ANKRD26: variants seen among roughly 807,000 people sequenced by gnomAD.
ANKRD26 encodes the protein ankyrin repeat domain-containing protein 26.
Under a neutral mutation model 208.7 loss-of-function variants are expected in ANKRD26, and 141 were observed. The observed-to-expected ratio is 0.68, with a 90% CI of 0.59 to 0.78. The LOEUF (loss-of-function observed/expected upper bound fraction) is 0.78. Ranked by LOEUF, ANKRD26 falls within the 30% of genes least tolerant of loss-of-function variation. ANKRD26 has a pLI of 0.00. For missense variants in ANKRD26, 1,889 were observed against 1,938.7 expected, an observed-to-expected ratio of 0.97 and a Z score of 0.48; for synonymous variants, 636 against 660.4, an observed-to-expected ratio of 0.96 and a Z score of 0.57.
chr10:26,995,019 T>C, intron 5 of ANKRD26: 1 of 470,330 alleles, frequency 2.1e-6, no homozygotes, highest in Non-Finnish European at 4.4e-6. Context: ...GCTCCCCTCT[T>C]AAATCAGACC....
rs746065038 is a variant in ANKRD26 at position 27,035,200 on chromosome 10, T to C, written c.3250A>G (p.Arg1084Gly). The change falls in exon 24 of 34, where the codon AGA (arginine) becomes GGA (glycine). Residue 1084 changes from arginine to glycine, a missense_variant. Arg to Gly is a moderately radical substitution (Grantham distance 125). Around this residue, in one of 3 missense-constraint regions of ANKRD26, gnomAD observed 1,272 missense variants for 1,273.8 expected, o/e 1.00. Transcript: ENST00000376087. ...NSLEIEFHHTRDALREKTLGL... is the reference protein window; with the variant it reads ...NSLEIEFHHTGDALREKTLGL... ...AAAGTCTTTTCTCTGAGGGCATCTC[T>C]CGTGTGATGGAACTCAATTTCTAGG... 1 of 1,614,102 alleles carries C rather than the reference T, an allele frequency of 6.2e-7. No individual in the cohort carries two copies. The highest frequency in any genetic ancestry group is 1.1e-5 in the South Asian group (1 of 91,082).
chr10:26,969,396 T>C (rs889684231), downstream of ANKRD26, among the ~76,000 whole-genome samples: 3 of 152,162 alleles, frequency 2.0e-5, no homozygotes, highest in Non-Finnish European at 4.4e-5. Context: ...TACTCAGTGA[T>C]CATAATTGAA....
In ANKRD26 at chr10:27,043,545, A is replaced by G. The variant is rs949920628; in HGVS notation, c.2042T>C (p.Met681Thr). The change falls in exon 20 of 34, where the codon ATG becomes ACG. Residue 681 changes from methionine (M) to threonine (T), a missense_variant. Coordinates refer to ENST00000376087, the MANE Select transcript of ANKRD26 (RefSeq NM_014915.3). Reference protein sequence around the residue: ...KNKVKNQIQSMDDVDDLTQSS... With the variant: ...KNKVKNQIQSTDDVDDLTQSS... ...CTGAGTTAAGTCATCAACATCATCCATAGACTGTATTTGGTTTTTGACCTA... is the reference window on the plus strand; with the variant it reads ...CTGAGTTAAGTCATCAACATCATCCGTAGACTGTATTTGGTTTTTGACCTA... 1.9e-6 allele frequency: 3 copies of G among 1,613,904 alleles called. No individual in the cohort carries two copies. The highest frequency in any genetic ancestry group is 2.2e-5 in the East Asian group (1 of 44,848).
chr10:27,064,755 T>A (rs910778564), intron 11 of ANKRD26, among the ~76,000 whole-genome samples: 2 of 152,120 alleles, frequency 1.3e-5, no homozygotes, highest in Non-Finnish European at 2.9e-5. Context: ...AAAATTTTGC[T>A]TTATGTTATG....
chr10:27,000,185 G>A (rs563418915), downstream of ANKRD26, among the ~76,000 whole-genome samples: 5 of 152,286 alleles, frequency 3.3e-5, no homozygotes, highest in South Asian at 1.0e-3. Flanking sequence ...GATAGACCAT[G>A]CCTGAACTCC....
At chr10:26,970,162 T>C (rs974684569), downstream of ANKRD26, among the ~76,000 whole-genome samples, 3 of 152,080 alleles carry the variant, frequency 2.0e-5, no homozygotes, top group East Asian at 3.8e-4. Flanking sequence ...TACTAGATAA[T>C]TGTAAAGTAC....
intron 29 of ANKRD26, among the ~76,000 whole-genome samples, chr10:27,018,548 G>A (rs1235304549): frequency 1.3e-5 from 2 of 152,028 alleles, no homozygotes; most frequent in Non-Finnish European, 2.9e-5. Flanking sequence ...TCTAATTAAT[G>A]AATCTTGTAA....
rs749595365 is a variant in ANKRD26 at position 27,067,158 on chromosome 10, A to C, written c.1206T>G (p.Ser402Arg). The C allele has an allele frequency of 1.9e-6, 3 of 1,612,826 alleles. No homozygotes were observed. The African/African-American group carries it at 4.0e-5, about 22-fold the overall frequency. Residue 402 changes from serine to arginine, a missense_variant and splice_region_variant, in exon 10 of 34, where the codon AGT (serine) becomes AGG (arginine). Physicochemically the swap from Ser to Arg is moderately radical, Grantham distance 110. Around this residue, in one of 3 missense-constraint regions of ANKRD26, gnomAD observed 1,272 missense variants for 1,273.8 expected, o/e 1.00. Coordinates refer to ENST00000376087, the MANE Select transcript of ANKRD26 (RefSeq NM_014915.3). The part of the protein sequence containing the change: ...YVDEVHKNNR[S>R]DMMSALGLGQ... ...ATTCAGAGATATCCACTAACTTACCACTTCTATTATTTTTGTGCACTTCAT... is the reference window on the plus strand; with the variant it reads ...ATTCAGAGATATCCACTAACTTACCCCTTCTATTATTTTTGTGCACTTCAT...
At chr10:27,061,053 T>C in intron 13 of ANKRD26, 91 bp downstream of exon 13, 1 of 991,088 alleles carries the variant, frequency 1.0e-6, no homozygotes, top group East Asian at 2.4e-5. Context: ...ATATAACTTA[T>C]TTCTCATCAG....
downstream of ANKRD26, among the ~76,000 whole-genome samples, chr10:26,999,437 G>A (rs1564341766): frequency 6.6e-6 from 1 of 152,144 alleles, no homozygotes. Flanking sequence ...GACCCAAAGT[G>A]TGCTGCTTGT....
At chr10:26,997,390 T>C (rs1465158255) in intron 4 of ANKRD26, among the ~76,000 whole-genome samples, 1 of 152,190 alleles carries the variant, frequency 6.6e-6, no homozygotes, top group East Asian at 1.9e-4. Context: ...ATTTGTTTTG[T>C]CAAGGTAGAA....
At position 27,067,741 on chromosome 10, in the gene ANKRD26, A is replaced by C. The variant is rs576879413; in HGVS notation, c.1078-455T>G. On this transcript the variant is annotated intron_variant, in intron 9 of 33. Transcript: ENST00000376087. The stretch of plus-strand genomic sequence containing the variant: ...GAAATCTGCCCCTGTGATCCAATCA[A>C]CTCCCACCAGGTCCCACCTCCAACA... 2.0e-5 allele frequency among the ~76,000 whole-genome samples: 3 copies of C among 151,922 alleles called. No individual in the cohort carries two copies. The South Asian group carries it at 6.2e-4, about 32-fold the overall frequency.
At chr10:26,948,674 T>C in the ANKRD26 span, among the ~76,000 whole-genome samples, 3 of 152,206 alleles carry the variant, frequency 2.0e-5, no homozygotes, top group African/African-American at 7.2e-5. Context: ...TGAGTTATTC[T>C]CAATGGTTAC....
intron 9 of ANKRD26, among the ~76,000 whole-genome samples, chr10:27,068,600 G>A (rs2055353010): frequency 6.6e-6 from 1 of 152,118 alleles, no homozygotes; most frequent in Non-Finnish European, 1.5e-5. Flanking sequence ...ACAGGATGAG[G>A]AGAAAAAACA....
At chr10:27,040,259 A>C in intron 20 of ANKRD26, 81 bp from the exon 21 acceptor site, 1 of 1,020,288 alleles carries the variant, frequency 9.8e-7, no homozygotes, top group Admixed American at 2.0e-5. Context: ...TTCACTCATT[A>C]AGACACTGAC....
At chr10:26,951,019 CTTT>C in the ANKRD26 span, among the ~76,000 whole-genome samples, 5 of 48,582 alleles carry the variant, frequency 1.0e-4, no homozygotes, top group African/African-American at 1.7e-4. Flanking sequence ...TTTTCTTTTT[CTTT>C]TTTTTTTTTT....
chr10:27,079,326 T>C (rs2055817827), intron 6 of ANKRD26, among the ~76,000 whole-genome samples, 165 bp from the exon 7 acceptor site: 2 of 152,238 alleles, frequency 1.3e-5, no homozygotes, highest in East Asian at 3.8e-4. Flanking sequence ...AATTAAAATT[T>C]GATCTTGTTT....
chr10:26,992,697 G>A (rs1452600836), intron 5 of ANKRD26, among the ~76,000 whole-genome samples: 1 of 152,070 alleles, frequency 6.6e-6, no homozygotes, highest in Non-Finnish European at 1.5e-5. Context: ...CAAAAGCATG[G>A]CAGAACACTA....
chr10:27,056,603 C>G (rs2054848112), intron 15 of ANKRD26, among the ~76,000 whole-genome samples: 3 of 151,702 alleles, frequency 2.0e-5, no homozygotes, highest in Non-Finnish European at 4.4e-5. Flanking sequence ...CATGGTGAAA[C>G]CCTGTCTCTA....
Sources: allele counts gnomAD v4.1 joint callset (sites outside exome capture counted in the v4.1 genomes callset), GRCh38; gene constraint gnomAD v4.1.1; regional missense constraint gnomAD v4.1.1; transcripts MANE v1.5; gene names NCBI Gene and HGNC (gene_info 2026-07-23, HGNC 2026-07-21).